The following MSRB3 variants were observed in gnomAD, a reference collection of about 807,000 sequenced individuals.
MSRB3 encodes methionine-R-sulfoxide reductase B3.
MSRB3 carries 13 observed loss-of-function variants against 21.0 expected under a neutral mutation model. That is an observed-to-expected ratio of 0.62 (90% confidence interval 0.40 to 0.98). The LOEUF is 0.98. Among genes scored for constraint, MSRB3 ranks in the 50% least tolerant of loss-of-function variants. The pLI is 0.00. For synonymous variants in MSRB3, 87 were observed against 88.6 expected, an observed-to-expected ratio of 0.98 and a Z score of 0.10; for missense variants, 199 against 230.3, an observed-to-expected ratio of 0.86 and a Z score of 0.88.
chr12:65,335,068 G>A (rs1046782600), intron 4 of MSRB3, among the ~76,000 whole-genome samples: 2 of 152,060 alleles, frequency 1.3e-5, no homozygotes, highest in East Asian at 1.9e-4. Context: ...AGCTAGTGGC[G>A]CCTGCTGAAT....
At position 65,328,657 on chromosome 12, in the gene MSRB3, A is replaced by C. The variant is rs1020955934; in HGVS notation, c.263+54A>C. The C allele has an allele frequency of 4.3e-6, 5 of 1,163,222 alleles. No individual in the cohort carries two copies. The African/African-American group carries it at 6.0e-5, about 14-fold the overall frequency. The allele number at this position is 1,163,222 out of a possible 1,614,324, so 72.1% of individuals were successfully genotyped here. A position where few individuals can be genotyped will look rare whatever the true frequency, so the allele number is the denominator to read the frequency against. ...GCTGTATCATAGATGGCAGCAAACT[A>C]GTTATTGCTTTTTCATCTTAGAATC... On this transcript the variant is annotated intron_variant, in intron 4 of 6. Transcript: ENST00000308259.
intron 4 of MSRB3, among the ~76,000 whole-genome samples, chr12:65,361,266 T>C (rs1321071551): frequency 6.6e-6 from 1 of 152,066 alleles, no homozygotes; most frequent in Non-Finnish European, 1.5e-5. Flanking sequence ...CACAAACGTT[T>C]TTAAAGGTGA....
chr12:65,321,961 A>G (rs1874695554), intron 2 of MSRB3, among the ~76,000 whole-genome samples: 2 of 152,188 alleles, frequency 1.3e-5, no homozygotes, highest in African/African-American at 4.8e-5. Flanking sequence ...AAAATATTTA[A>G]TAGTTTCGTT....
intron 1 of MSRB3, among the ~76,000 whole-genome samples, chr12:65,291,896 TC>T (rs1490162712): frequency 6.6e-6 from 1 of 152,188 alleles, no homozygotes; most frequent in African/African-American, 2.4e-5. Context: ...CAAGATCTGA[TC>T]TGCATTTTAA....
At chr12:65,320,103 A>G (rs1874565196) in intron 2 of MSRB3, among the ~76,000 whole-genome samples, 2 of 152,218 alleles carry the variant, frequency 1.3e-5, no homozygotes, top group African/African-American at 2.4e-5. Flanking sequence ...GCATACATCT[A>G]TAGAATATAA....
intron 5 of MSRB3, among the ~76,000 whole-genome samples, chr12:65,397,038 G>T (rs777941249): frequency 6.6e-6 from 1 of 152,114 alleles, no homozygotes; most frequent in South Asian, 2.1e-4. Flanking sequence ...GTATTTTGAT[G>T]CACTGTTGTT....
intron 1 of MSRB3, among the ~76,000 whole-genome samples, chr12:65,302,059 GAA>G (rs1449284619): frequency 6.6e-6 from 1 of 151,892 alleles, no homozygotes; most frequent in Non-Finnish European, 1.5e-5. Context: ...ACTATTTTAA[GAA>G]TAGTCATTTT....
At chr12:65,445,717 C>T (rs1330976400) in intron 5 of MSRB3, among the ~76,000 whole-genome samples, 2 of 150,462 alleles carry the variant, frequency 1.3e-5, no homozygotes, top group East Asian at 3.9e-4. Flanking sequence ...ACAATCTTGG[C>T]TCACTGCAAC....
At chr12:65,412,580 G>A (rs923924625) in intron 5 of MSRB3, among the ~76,000 whole-genome samples, 3 of 152,190 alleles carry the variant, frequency 2.0e-5, no homozygotes, top group African/African-American at 7.2e-5. Flanking sequence ...ATACTATTAG[G>A]TTGGTGCAAA....
intron 4 of MSRB3, among the ~76,000 whole-genome samples, chr12:65,360,415 A>G (rs867889488): frequency 6.6e-6 from 1 of 152,154 alleles, no homozygotes. Flanking sequence ...TAGAGGAAAC[A>G]TAAATCACAT....
chr12:65,394,671 A>G (rs995873783), intron 5 of MSRB3, among the ~76,000 whole-genome samples: 1 of 152,228 alleles, frequency 6.6e-6, no homozygotes, highest in African/African-American at 2.4e-5. Flanking sequence ...TCTTTTATGA[A>G]TACATACACA....
chr12:65,300,811 T>A (rs1050158230), intron 1 of MSRB3, among the ~76,000 whole-genome samples: 1 of 152,216 alleles, frequency 6.6e-6, no homozygotes, highest in Non-Finnish European at 1.5e-5. Context: ...ACATTGCTGT[T>A]CCCTGCTGCA....
intron 5 of MSRB3, among the ~76,000 whole-genome samples, chr12:65,385,954 GAATT>G (rs1483472822): frequency 6.6e-6 from 1 of 151,626 alleles, no homozygotes; most frequent in Non-Finnish European, 1.5e-5. Flanking sequence ...TAAATATTGG[GAATT>G]AATTAATATC....
At chr12:65,380,090 T>C (rs1462572428) in intron 5 of MSRB3, among the ~76,000 whole-genome samples, 3 of 152,176 alleles carry the variant, frequency 2.0e-5, no homozygotes, top group Non-Finnish European at 4.4e-5. Context: ...CATGAATTAC[T>C]TTAGAGTATG....
chr12:65,298,619 G>A (rs1468172912), intron 1 of MSRB3, among the ~76,000 whole-genome samples: 1 of 152,216 alleles, frequency 6.6e-6, no homozygotes, highest in Admixed American at 6.5e-5. Context: ...AATATAAGGA[G>A]TCCATTTTCA....
chr12:65,281,336 C>G (rs2136379742), intron 1 of MSRB3, among the ~76,000 whole-genome samples: 1 of 152,270 alleles, frequency 6.6e-6, no homozygotes, highest in Middle Eastern at 3.4e-3. Flanking sequence ...TGGACAGTTT[C>G]CATGTCTCTT....
chr12:65,290,911 G>A (rs1230298674), intron 1 of MSRB3, among the ~76,000 whole-genome samples: 1 of 152,114 alleles, frequency 6.6e-6, no homozygotes, highest in Non-Finnish European at 1.5e-5. Context: ...TTCATGAGGG[G>A]AAATAAAGTT....
intron 2 of MSRB3, among the ~76,000 whole-genome samples, chr12:65,320,899 C>G (rs932084671): frequency 6.6e-6 from 1 of 152,152 alleles, no homozygotes; most frequent in Admixed American, 6.5e-5. Context: ...GTCTCTGTCT[C>G]TGCCACTGGA....
At chr12:65,444,688 A>G (rs1882534162) in intron 5 of MSRB3, among the ~76,000 whole-genome samples, 1 of 152,056 alleles carries the variant, frequency 6.6e-6, no homozygotes, top group African/African-American at 2.4e-5. Context: ...ATGCTTTCCA[A>G]TCTAATACTC....
Sources: gnomAD v4.1 joint callset for allele counts (sites outside exome capture counted in the v4.1 genomes callset) on GRCh38, gnomAD v4.1.1 for gene constraint, MANE v1.5 for transcripts, NCBI Gene and HGNC (gene_info 2026-07-23, HGNC 2026-07-21) for gene names.